Variants in GALNT13 observed in about 807,000 individuals in gnomAD.
GALNT13 encodes the protein UDP-GalNAc:polypeptide N-acetylgalactosaminyltransferase 13.
GALNT13 carries 28 observed loss-of-function variants against 64.2 expected under a neutral mutation model. That is an observed-to-expected ratio of 0.44 (90% confidence interval 0.32 to 0.60). The LOEUF is 0.60. Ranked by LOEUF, GALNT13 falls within the 20% of genes least tolerant of loss-of-function variation. The pLI is 0.05. For synonymous variants in GALNT13, 214 were observed against 224.6 expected (o/e 0.95, Z 0.42); for missense variants, 577 against 669.8 (o/e 0.86, Z 1.53).
In GALNT13 at chr2:154,041,059, T is replaced by TA. The variant is rs573877647; in HGVS notation, c.142+96427dup. Among the ~76,000 whole-genome samples, 143 of 139,886 alleles carry TA rather than the reference T, an allele frequency of 1.0e-3. 4 individuals are homozygous for TA. The highest frequency in any genetic ancestry group is 3.3e-3 in the African/African-American group (135 of 40,958). The allele number at this position is 139,886 out of a possible 152,430, so 91.8% of individuals were successfully genotyped here. On this transcript the variant is annotated intron_variant, in intron 3 of 12. Coordinates refer to ENST00000392825, the MANE Select transcript of GALNT13 (RefSeq NM_052917.4). ...GATTATATTGGTTTGGTTTGTTCAT[T>TA]AAAAAAAGGAAACAATTATTAGCTA...
intron 3 of GALNT13, among the ~76,000 whole-genome samples, chr2:154,078,585 C>A (rs1574462262): frequency 1.3e-5 from 2 of 151,590 alleles, no homozygotes; most frequent in African/African-American, 4.8e-5. Context: ...ATTGAGAAAA[C>A]AAGAGTTTTG....
chr2:154,149,028 C>G (rs1310714057), intron 4 of GALNT13, among the ~76,000 whole-genome samples: 1 of 152,120 alleles, frequency 6.6e-6, no homozygotes, highest in Non-Finnish European at 1.5e-5. Flanking sequence ...ATGGTAATGC[C>G]TAGGTTTTCT....
chr2:153,915,811 A>T (rs1369050664), intron 2 of GALNT13, among the ~76,000 whole-genome samples: 1 of 152,192 alleles, frequency 6.6e-6, no homozygotes, highest in African/African-American at 2.4e-5. Context: ...AATGAAAAAA[A>T]AATGCAATGA....
chr2:153,917,065 A>C (rs1316744329), intron 2 of GALNT13, among the ~76,000 whole-genome samples: 1 of 152,090 alleles, frequency 6.6e-6, no homozygotes, highest in African/African-American at 2.4e-5. Flanking sequence ...CTGACAAGTC[A>C]CTTAGTTGAT....
chr2:153,938,529 G>A (rs919266675), intron 2 of GALNT13, among the ~76,000 whole-genome samples: 1 of 152,148 alleles, frequency 6.6e-6, no homozygotes, highest in African/African-American at 2.4e-5. Context: ...TAGAAGTGGA[G>A]TATAGGAAAG....
the GALNT13 span, among the ~76,000 whole-genome samples, chr2:153,315,986 A>C: frequency 6.6e-6 from 1 of 152,182 alleles, no homozygotes; most frequent in African/African-American, 2.4e-5. Context: ...TTTAAAAAGC[A>C]AAAAGTTTGA....
intron 1 of GALNT13, among the ~76,000 whole-genome samples, chr2:153,899,486 A>AT (rs904096047): frequency 3.9e-4 from 60 of 152,184 alleles, no homozygotes; most frequent in Non-Finnish European, 6.5e-4. Context: ...GCATTTCTTG[A>AT]TTTTTTTCCA....
chr2:153,719,862 A>G, the GALNT13 span, among the ~76,000 whole-genome samples: 1 of 151,878 alleles, frequency 6.6e-6, no homozygotes, highest in Non-Finnish European at 1.5e-5. Flanking sequence ...ATCAAACTGC[A>G]AGGCGGCAGC....
the GALNT13 span, among the ~76,000 whole-genome samples, chr2:153,440,300 A>G: frequency 6.6e-6 from 1 of 152,156 alleles, no homozygotes; most frequent in African/African-American, 2.4e-5. Flanking sequence ...TCATGGCTGC[A>G]TAGTATTCCG....
chr2:153,449,806 G>A, the GALNT13 span: 1 of 152,284 alleles, frequency 6.6e-6, no homozygotes, highest in Non-Finnish European at 1.5e-5. Flanking sequence ...CATGACAGAA[G>A]GTGGAAGGGT....
chr2:153,560,238 T>C, the GALNT13 span, among the ~76,000 whole-genome samples: 1 of 152,074 alleles, frequency 6.6e-6, no homozygotes, highest in Non-Finnish European at 1.5e-5. Flanking sequence ...TCTAGGCCTT[T>C]CCAATGGAAC....
At chr2:154,098,090 C>CTTTT (rs10673538) in intron 3 of GALNT13, among the ~76,000 whole-genome samples, 2,850 of 134,638 alleles carry the variant, frequency 0.021, 98 homozygotes, top group African/African-American at 0.074. Context: ...GCTTGTCTTT[C>CTTTT]TTTTTTTTTT....
the GALNT13 span, among the ~76,000 whole-genome samples, chr2:153,537,940 A>C: frequency 3.9e-5 from 6 of 152,222 alleles, no homozygotes; most frequent in African/African-American, 1.2e-4. Context: ...ATGGACTAAT[A>C]TACTACATTG....
At chr2:153,937,341 G>A (rs1333328761) in intron 2 of GALNT13, among the ~76,000 whole-genome samples, 2 of 152,174 alleles carry the variant, frequency 1.3e-5, no homozygotes, top group East Asian at 3.9e-4. Context: ...CAATGTGAAT[G>A]AACATTGAAA....
At chr2:153,890,362 G>A (rs1269430747) in intron 1 of GALNT13, among the ~76,000 whole-genome samples, 1 of 151,966 alleles carries the variant, frequency 6.6e-6, no homozygotes, top group African/African-American at 2.4e-5. Flanking sequence ...AGGGGTTCAA[G>A]GACAGGGAGT....
intron 4 of GALNT13, among the ~76,000 whole-genome samples, chr2:154,180,553 A>G (rs945527494): frequency 1.3e-5 from 2 of 152,126 alleles, no homozygotes; most frequent in African/African-American, 2.4e-5. Flanking sequence ...TATAAATGTA[A>G]TTAATGCATT....
chr2:154,217,042 C>T (rs560970298), intron 4 of GALNT13, among the ~76,000 whole-genome samples: 15 of 151,634 alleles, frequency 9.9e-5, no homozygotes, highest in African/African-American at 2.7e-4. Flanking sequence ...ATCCTTCCGC[C>T]GCAGCTTCCA....
chr2:153,474,963 A>G, the GALNT13 span, among the ~76,000 whole-genome samples: 1 of 152,204 alleles, frequency 6.6e-6, no homozygotes, highest in South Asian at 2.1e-4. Flanking sequence ...AATGGCTTTC[A>G]AAACCTTTTT....
At chr2:153,994,700 C>G (rs1404125658) in intron 3 of GALNT13, among the ~76,000 whole-genome samples, 2 of 152,126 alleles carry the variant, frequency 1.3e-5, no homozygotes, top group Non-Finnish European at 2.9e-5. Flanking sequence ...TGTCTGTTGG[C>G]TGCATAAATG....
Sources: allele counts gnomAD v4.1 joint callset (sites outside exome capture counted in the v4.1 genomes callset), GRCh38; gene constraint gnomAD v4.1.1; transcripts MANE v1.5; gene names NCBI Gene and HGNC (gene_info 2026-07-23, HGNC 2026-07-21).